C14orf39: variants seen among roughly 807,000 people sequenced by gnomAD.
C14orf39 encodes the protein protein SIX6OS1.
In C14orf39, 66 loss-of-function variants were observed where a neutral mutation model predicts 85.6. The ratio of observed to expected loss-of-function variants is 0.77; its 90% CI spans 0.63 to 0.95. C14orf39 has a LOEUF of 0.95. Among genes scored for constraint, C14orf39 ranks in the 40% least tolerant of loss-of-function variants. The pLI is 0.00. For missense variants in C14orf39, 735 were observed against 663.9 expected (o/e 1.11, Z -1.18); for synonymous variants, 242 against 214.0 (o/e 1.13, Z -1.14).
At position 60,478,530 on chromosome 14, in the gene C14orf39, A is replaced by C. The variant is rs1287870617; in HGVS notation, c.234-141T>G. 6.4e-6 allele frequency: 3 copies of C among 472,370 alleles called. No homozygotes were observed. In the East Asian group the frequency reaches 1.1e-4, roughly 17 times the overall value. 29.3% of individuals were successfully genotyped at this position (472,370 alleles called of 1,614,324 possible). ...AAAACAAGCTTACATCAAGAAAAGT[A>C]TTTCCATCTCATATCACTCCCACTA... On this transcript the variant is annotated intron_variant, in intron 4 of 17. Transcript: ENST00000321731.
At chr14:60,502,810 G>A (rs1893164112) in intron 1 of C14orf39, among the ~76,000 whole-genome samples, 1 of 152,110 alleles carries the variant, frequency 6.6e-6, no homozygotes, top group Admixed American at 6.5e-5. Context: ...TCAATAGGTG[G>A]GCCTAGAGCA....
At chr14:60,504,126 C>A (rs1018531) in intron 1 of C14orf39, among the ~76,000 whole-genome samples, 1 of 152,100 alleles carries the variant, frequency 6.6e-6, no homozygotes, top group African/African-American at 2.4e-5. Context: ...GGGGAAACAG[C>A]GGGAGGGAAA....
chr14:60,456,170 A>G (rs375029826), intron 15 of C14orf39, among the ~76,000 whole-genome samples: 7 of 152,028 alleles, frequency 4.6e-5, no homozygotes, highest in African/African-American at 1.4e-4. Context: ...TTTTAGAGAA[A>G]CCTCAGGGTT....
rs758603385 is a variant in C14orf39 at position 60,509,893 on chromosome 14, C to T, written c.-144+5502G>A. ...AAAAACGTGAGCTCGCCCAGGCAAC[C>T]GGACTGACCCCTACGCAGGTGGGCA... On this transcript the variant is annotated intron_variant, in intron 1 of 5. Transcript: ENST00000556799. 8 of 1,612,914 alleles carry T rather than the reference C, an allele frequency of 5.0e-6. No homozygotes were observed. In the East Asian group the frequency reaches 1.6e-4, roughly 31 times the overall value.
chr14:60,457,179 C>G, intron 14 of C14orf39, 84 bp from the exon 15 acceptor site: 1 of 797,670 alleles, frequency 1.3e-6, no homozygotes, highest in Non-Finnish European at 1.9e-6. Flanking sequence ...GTGGAAAATA[C>G]CTTATTAATC....
chr14:60,511,024 G>A, intron 1 of C14orf39: 1 of 1,555,548 alleles, frequency 6.4e-7, no homozygotes, highest in Non-Finnish European at 8.8e-7. Context: ...GAGGTGGTGG[G>A]GGCGGGCGAC....
At chr14:60,473,949 T>C (rs1892237716) in intron 5 of C14orf39, among the ~76,000 whole-genome samples, 1 of 152,186 alleles carries the variant, frequency 6.6e-6, no homozygotes, top group African/African-American at 2.4e-5. Context: ...TGAAAGTCAT[T>C]GGTAGCTTGA....
intron 8 of C14orf39, among the ~76,000 whole-genome samples, chr14:60,469,123 T>C (rs1891941783): frequency 6.6e-6 from 1 of 151,164 alleles, no homozygotes; most frequent in South Asian, 2.1e-4. Flanking sequence ...ATTATAGTCA[T>C]ATATTTTTCA....
At position 60,483,749 on chromosome 14, in the gene C14orf39, C is replaced by CTGTT; in HGVS notation, c.171_174dup (p.Asp59AsnfsTer3). 2 of 1,588,976 alleles carry CTGTT rather than the reference C, an allele frequency of 1.3e-6. No individual in the cohort carries two copies. Among genetic ancestry groups the CTGTT allele is most frequent in the Non-Finnish European group, 1.7e-6 (2 of 1,159,776 alleles). ...TTACAGTAATGATCAATTTCCTCAT[C>CTGTT]TGTTGCATTTATAGTTTCGTGTATC... On this transcript the variant is annotated frameshift_variant, in exon 4 of 18. Coordinates refer to ENST00000321731, the MANE Select transcript of C14orf39 (RefSeq NM_174978.3). LOFTEE classifies it high-confidence loss of function.
At chr14:60,453,958 T>G (rs1891149240) in intron 16 of C14orf39, among the ~76,000 whole-genome samples, 1 of 151,928 alleles carries the variant, frequency 6.6e-6, no homozygotes, top group African/African-American at 2.4e-5. Context: ...TTTTCCTTAT[T>G]CAAAGTGTAC....
intron 1 of C14orf39, among the ~76,000 whole-genome samples, chr14:60,505,721 C>CA (rs1319771312): frequency 6.6e-6 from 1 of 152,124 alleles, no homozygotes; most frequent in Non-Finnish European, 1.5e-5. Context: ...GAGAAAAAAA[C>CA]AAAAACACAA....
intron 16 of C14orf39, among the ~76,000 whole-genome samples, chr14:60,442,762 A>C (rs1370978644): frequency 6.6e-6 from 1 of 152,194 alleles, no homozygotes; most frequent in Non-Finnish European, 1.5e-5. Flanking sequence ...ACATGTGAAT[A>C]AACACTGTTA....
At chr14:60,502,919 A>T (rs1032871762) in intron 1 of C14orf39, among the ~76,000 whole-genome samples, 2 of 152,260 alleles carry the variant, frequency 1.3e-5, no homozygotes, top group Admixed American at 1.3e-4. Context: ...GAAGGCTAAC[A>T]TTTCAGACCT....
In C14orf39 at chr14:60,457,053, T is replaced by G; in HGVS notation, c.1222A>C (p.Ser408Arg). The change falls in exon 15 of 18, where the codon AGT becomes CGT. Residue 408 changes from serine to arginine, a missense_variant. Physicochemically the swap from Ser to Arg is moderately radical, Grantham distance 110 (BLOSUM62 -1). Coordinates refer to ENST00000321731, the MANE Select transcript of C14orf39 (RefSeq NM_174978.3). The part of the protein sequence containing the change: ...EHFGKSVEND[S>R]DEVEERAENF... ...TCAGCTCTCTCTTCTACTTCATCAC[T>G]ATCATTTTCTACTGACTTCCCAAAA... The G allele has an allele frequency of 6.2e-7, 1 of 1,604,810 alleles. No homozygotes were observed. Among genetic ancestry groups the G allele is most frequent in the Non-Finnish European group, 8.5e-7 (1 of 1,176,106 alleles).
chr14:60,490,487 A>T (rs1412591981), upstream of C14orf39, among the ~76,000 whole-genome samples: 1 of 147,378 alleles, frequency 6.8e-6, no homozygotes, highest in Non-Finnish European at 1.5e-5. Flanking sequence ...AAATAAATAA[A>T]TAGGTGCACA....
intron 2 of C14orf39, among the ~76,000 whole-genome samples, chr14:60,493,426 A>G (rs946684590): frequency 6.6e-6 from 1 of 152,188 alleles, no homozygotes; most frequent in African/African-American, 2.4e-5. Flanking sequence ...TCCCCCAGTT[A>G]GGCTAAGCAG....
intron 16 of C14orf39, among the ~76,000 whole-genome samples, chr14:60,445,369 A>T (rs1027665996): frequency 2.0e-5 from 3 of 152,224 alleles, no homozygotes; most frequent in Non-Finnish European, 2.9e-5. Flanking sequence ...AGATGGAGGA[A>T]GATATACCAA....
chr14:60,450,463 T>C (rs1349608936), intron 16 of C14orf39, among the ~76,000 whole-genome samples: 1 of 152,042 alleles, frequency 6.6e-6, no homozygotes, highest in African/African-American at 2.4e-5. Flanking sequence ...AGGAAGGACT[T>C]TGTATTGTGG....
chr14:60,512,392 G>T (rs1348494979), intron 1 of C14orf39: 1 of 152,210 alleles, frequency 6.6e-6, no homozygotes, highest in Non-Finnish European at 1.5e-5. Context: ...TTAGGATTGA[G>T]CTATTATTAA....
Sources: allele counts gnomAD v4.1 joint callset (sites outside exome capture counted in the v4.1 genomes callset), GRCh38; gene constraint gnomAD v4.1.1; transcripts MANE v1.5; gene names NCBI Gene and HGNC (gene_info 2026-07-23, HGNC 2026-07-21).